Variants in CCSER1 observed in about 807,000 individuals in gnomAD.
CCSER1 encodes serine-rich coiled-coil domain-containing protein 1.
In CCSER1, 41 loss-of-function variants were observed where a neutral mutation model predicts 82.0. The observed-to-expected ratio is 0.50, with a 90% CI of 0.39 to 0.65. The LOEUF is 0.65. Ranked by LOEUF, CCSER1 falls within the 30% of genes least tolerant of loss-of-function variation. The probability of loss-of-function intolerance (pLI) is 0.00; values close to 1 mark genes in which losing one functional copy is unlikely to be tolerated. For synonymous variants in CCSER1, 414 were observed against 383.9 expected, an observed-to-expected ratio of 1.08 and a Z score of -0.92; for missense variants, 1,119 against 1,064.2, an observed-to-expected ratio of 1.05 and a Z score of -0.72.
rs189084681 is a variant in CCSER1 at position 90,428,289 on chromosome 4, T to C, written c.1603+28160T>C. Among the ~76,000 whole-genome samples the C allele has an allele frequency of 2.0e-5, 3 of 151,936 alleles. No individual in the cohort carries two copies. The East Asian group carries it at 5.8e-4, about 29-fold the overall frequency. On this transcript the variant is annotated intron_variant, in intron 4 of 10. Coordinates refer to ENST00000509176, the MANE Select transcript of CCSER1 (RefSeq NM_001145065.2). ...CAACAAAAAGAAAGAAAGAAAGAAA[T>C]ACTTTGATGCATTTAATAAGTAACA...
At chr4:90,157,899 T>C (rs1490420189) in intron 1 of CCSER1, among the ~76,000 whole-genome samples, 1 of 152,212 alleles carries the variant, frequency 6.6e-6, no homozygotes, top group Non-Finnish European at 1.5e-5. Flanking sequence ...CCGTCCAGCT[T>C]TGTTCCGTTG....
intron 1 of CCSER1, among the ~76,000 whole-genome samples, chr4:90,243,756 A>G (rs924226020): frequency 6.6e-6 from 1 of 152,144 alleles, no homozygotes; most frequent in Non-Finnish European, 1.5e-5. Flanking sequence ...AAGTGCATAC[A>G]CAGGTGAAAA....
intron 5 of CCSER1, among the ~76,000 whole-genome samples, chr4:90,532,782 T>A (rs10025567): frequency 0.44 from 66,913 of 151,988 alleles, 19,375 homozygotes; most frequent in African/African-American, 0.83. Context: ...TTTTGTAGCT[T>A]TATATCTCTA....
chr4:90,352,151 C>T (rs1743567870), intron 3 of CCSER1, among the ~76,000 whole-genome samples: 3 of 151,942 alleles, frequency 2.0e-5, no homozygotes, highest in Admixed American at 6.6e-5. Flanking sequence ...GGTGAAACCC[C>T]GTCTGTACTA....
chr4:90,441,777 T>C (rs184601369), intron 4 of CCSER1, among the ~76,000 whole-genome samples: 160 of 152,352 alleles, frequency 1.1e-3, no homozygotes, highest in South Asian at 1.9e-3. Flanking sequence ...TAGTTGGCTG[T>C]GTTTAATAGA....
At chr4:90,487,549 G>A (rs759542227) in intron 5 of CCSER1, among the ~76,000 whole-genome samples, 28 of 152,282 alleles carry the variant, frequency 1.8e-4, no homozygotes, top group Admixed American at 4.6e-4. Context: ...GCATGGGTGC[G>A]TTTGCAGGTC....
intron 9 of CCSER1, among the ~76,000 whole-genome samples, chr4:91,014,468 A>G (rs1265416358): frequency 7.5e-6 from 1 of 134,036 alleles, no homozygotes; most frequent in African/African-American, 2.5e-5. Flanking sequence ...GTGCTATAAA[A>G]TCTGCTACAT....
chr4:90,669,204 A>T (rs1033520209), intron 6 of CCSER1, among the ~76,000 whole-genome samples: 2 of 152,140 alleles, frequency 1.3e-5, no homozygotes, highest in African/African-American at 4.8e-5. Context: ...ATGAGTGGTC[A>T]TCTCCTTCTT....
intron 4 of CCSER1, among the ~76,000 whole-genome samples, chr4:90,428,683 G>T (rs964075928): frequency 2.6e-5 from 4 of 151,832 alleles, no homozygotes; most frequent in Admixed American, 6.6e-5. Flanking sequence ...GATTGTTCTT[G>T]CTGTCTTATT....
chr4:90,763,983 A>G, intron 7 of CCSER1, among the ~76,000 whole-genome samples: 1 of 152,190 alleles, frequency 6.6e-6, no homozygotes, highest in Non-Finnish European at 1.5e-5. Context: ...CACATTGATT[A>G]TTTCAATTAA....
In CCSER1 at chr4:90,470,762, CA is replaced by C. The variant is rs754754971; in HGVS notation, c.1724+2427del. ...AATTTCTCATTCCTTTTAATCAAAGCAAAAAAAAAAAAAAAAAAACAAAACA... is the reference window on the plus strand; with the variant it reads ...AATTTCTCATTCCTTTTAATCAAAGCAAAAAAAAAAAAAAAAAACAAAACA... On this transcript the variant is annotated intron_variant, in intron 5 of 10. Transcript: ENST00000509176. 2.7e-3 allele frequency among the ~76,000 whole-genome samples: 195 copies of C among 71,260 alleles called. 3 individuals carry two copies. In the East Asian group the frequency reaches 0.043, roughly 16 times the overall value. 46.7% of individuals were successfully genotyped at this position (71,260 alleles called of 152,430 possible). A position where few individuals can be genotyped will look rare whatever the true frequency, so the allele number is the denominator to read the frequency against.
rs147472712 is a variant in CCSER1 at position 90,882,918 on chromosome 4, C to T, written c.2095-40452C>T. 2.0e-5 allele frequency among the ~76,000 whole-genome samples: 3 copies of T among 152,068 alleles called. No homozygotes were observed. In the East Asian group the frequency reaches 5.8e-4, roughly 29 times the overall value. On this transcript the variant is annotated intron_variant, in intron 8 of 10. Coordinates refer to ENST00000509176, the MANE Select transcript of CCSER1 (RefSeq NM_001145065.2). Reference sequence around the variant, plus strand: ...TTTATCAAGCGCTTCATGTTTAGAACAATATTTATGTTCATGTTTAGAGCA... The same window carrying T: ...TTTATCAAGCGCTTCATGTTTAGAATAATATTTATGTTCATGTTTAGAGCA...
intron 10 of CCSER1, among the ~76,000 whole-genome samples, chr4:91,412,361 C>T (rs908738412): frequency 6.6e-6 from 1 of 151,994 alleles, no homozygotes; most frequent in East Asian, 2.0e-4. Context: ...TCCAACCTCC[C>T]TCAACTATAT....
In CCSER1 at chr4:91,343,897, A is replaced by G. The variant is rs557321923; in HGVS notation, c.2218-254675A>G. 1.1e-4 allele frequency among the ~76,000 whole-genome samples: 16 copies of G among 152,308 alleles called. No individual in the cohort carries two copies. In the Middle Eastern group the frequency reaches 0.01, roughly 97 times the overall value. ...CTGAAATGAGATTTTCTCTACACAT[A>G]TATGTAAGTTAAAATTTGAGTTTAA... is the stretch of plus-strand genomic sequence containing the variant. On this transcript the variant is annotated intron_variant, in intron 10 of 10. Coordinates refer to ENST00000509176, the MANE Select transcript of CCSER1 (RefSeq NM_001145065.2).
At chr4:91,464,369 G>A (rs1280237731) in intron 10 of CCSER1, among the ~76,000 whole-genome samples, 2 of 152,086 alleles carry the variant, frequency 1.3e-5, no homozygotes, top group African/African-American at 4.8e-5. Context: ...AACATGCAAA[G>A]GAACAACCGG....
intron 1 of CCSER1, among the ~76,000 whole-genome samples, chr4:90,257,615 T>G (rs1275793925): frequency 6.6e-6 from 1 of 152,040 alleles, no homozygotes; most frequent in Non-Finnish European, 1.5e-5. Flanking sequence ...GGAGAGAGAT[T>G]TAACATAAAC....
At chr4:90,749,575 A>C (rs2149477120) in intron 7 of CCSER1, among the ~76,000 whole-genome samples, 1 of 152,198 alleles carries the variant, frequency 6.6e-6, no homozygotes, top group African/African-American at 2.4e-5. Context: ...TTCTGTGAAC[A>C]AAGTCATTGG....
intron 10 of CCSER1, among the ~76,000 whole-genome samples, chr4:91,298,855 A>G (rs1560574819): frequency 6.6e-6 from 1 of 151,966 alleles, no homozygotes; most frequent in Non-Finnish European, 1.5e-5. Flanking sequence ...GTAATAGCTG[A>G]CTACATAGTT....
intron 10 of CCSER1, among the ~76,000 whole-genome samples, chr4:91,444,851 T>A (rs1755448025): frequency 6.6e-6 from 1 of 152,218 alleles, no homozygotes; most frequent in South Asian, 2.1e-4. Flanking sequence ...CTTTAATCAG[T>A]AGTAGCTCTC....
Sources: gnomAD v4.1 joint callset for allele counts (sites outside exome capture counted in the v4.1 genomes callset) on GRCh38, gnomAD v4.1.1 for gene constraint, MANE v1.5 for transcripts, NCBI Gene and HGNC (gene_info 2026-07-23, HGNC 2026-07-21) for gene names.